Variants in ITGA11 observed in about 807,000 individuals in gnomAD.
ITGA11 encodes the protein integrin alpha-11.
In ITGA11, 97 loss-of-function variants were observed where a neutral mutation model predicts 141.9. The ratio of observed to expected loss-of-function variants is 0.68; its 90% CI spans 0.58 to 0.81. The LOEUF (loss-of-function observed/expected upper bound fraction) is 0.81, where lower values mean the gene tolerates loss of function less well. Among genes scored for constraint, ITGA11 ranks in the 30% least tolerant of loss-of-function variants. ITGA11 has a pLI of 0.00. For synonymous variants in ITGA11, 658 were observed against 624.6 expected, an observed-to-expected ratio of 1.05 and a Z score of -0.80; for missense variants, 1,387 against 1,559.2, an observed-to-expected ratio of 0.89 and a Z score of 1.86.
Position 68,325,559 on chromosome 15 carries a change from G to A in ITGA11, c.2212-318C>T, listed in dbSNP as rs900985996. Among the ~76,000 whole-genome samples, 9 of 152,292 alleles carry A rather than the reference G, an allele frequency of 5.9e-5. No homozygotes were observed. Among genetic ancestry groups the A allele is most frequent in the East Asian group, 1.9e-4 (1 of 5,168 alleles). ...GCCTCTGGGAAGCCTGGCAGTGCCC[G>A]CCTGTATCCCACCCCACCCACCACT... On this transcript the variant is annotated intron_variant, in intron 17 of 29. Transcript: ENST00000315757. The surrounding 1 kb of genome is among the most constrained non-coding windows in gnomAD (Gnocchi z 5.5).
chr15:68,310,927 C>G (rs976006072), intron 26 of ITGA11, 67 bp downstream of exon 26: 2 of 1,234,782 alleles, frequency 1.6e-6, no homozygotes. Flanking sequence ...AGGGAAATGG[C>G]CCGCAGAGCA....
intron 1 of ITGA11, among the ~76,000 whole-genome samples, chr15:68,424,609 C>T (rs978003461): frequency 6.6e-6 from 1 of 152,214 alleles, no homozygotes; most frequent in African/African-American, 2.4e-5. Flanking sequence ...TCCCTGCCTT[C>T]CCTCCTAGTG....
chr15:68,342,495 G>C (rs766052945), intron 10 of ITGA11, among the ~76,000 whole-genome samples: 21 of 152,360 alleles, frequency 1.4e-4, no homozygotes, highest in Non-Finnish European at 2.5e-4. Context: ...AGCACCTGCA[G>C]TGTGTGTAGC....
At chr15:68,313,179 C>T (rs550203954) in intron 23 of ITGA11, among the ~76,000 whole-genome samples, 1 of 152,262 alleles carries the variant, frequency 6.6e-6, no homozygotes, top group African/African-American at 2.4e-5. Context: ...ACTGTGCTCC[C>T]TTCCACCCTC....
intron 2 of ITGA11, among the ~76,000 whole-genome samples, chr15:68,392,140 C>T (rs187511353): frequency 1.9e-4 from 29 of 152,254 alleles, no homozygotes; most frequent in African/African-American, 6.5e-4. Flanking sequence ...AAGAGAAACA[C>T]AGAATTCTAT....
intron 5 of ITGA11, among the ~76,000 whole-genome samples, chr15:68,359,278 T>C (rs1027579504): frequency 6.6e-5 from 10 of 152,248 alleles, no homozygotes; most frequent in African/African-American, 2.2e-4. Flanking sequence ...ATGGTACTGA[T>C]ATCATCAGGT....
In ITGA11 at chr15:68,307,661, G is replaced by A; in HGVS notation, c.3210C>T (p.Cys1070=). 1 of 1,613,796 alleles carries A rather than the reference G, an allele frequency of 6.2e-7. No homozygotes were observed. The highest frequency in any genetic ancestry group is 8.5e-7 in the Non-Finnish European group (1 of 1,179,758). Residue 1070 remains cysteine, a synonymous_variant, in exon 27 of 30, where the codon TGC becomes TGT. Transcript: ENST00000315757. This position sits in a 1 kb window ranked among gnomAD's most constrained non-coding sequence, Gnocchi z 6.1. ...CCTGGTTGGGGACCAGCCGTATATT[G>A]CAGTTGATGGAGACGACATCAGAGT... ...HSNSDVVSIN[C]NIRLVPNQEI... is the part of the protein sequence containing the mutation.
chr15:68,390,137 G>A (rs1237308045), intron 2 of ITGA11, among the ~76,000 whole-genome samples: 1 of 152,196 alleles, frequency 6.6e-6, no homozygotes, highest in Non-Finnish European at 1.5e-5. Context: ...AGAACCAGGG[G>A]ATGTGGAAAA....
chr15:68,314,918 T>A (rs1190478812), intron 22 of ITGA11, among the ~76,000 whole-genome samples: 1 of 152,160 alleles, frequency 6.6e-6, no homozygotes, highest in East Asian at 1.9e-4. Flanking sequence ...TTTTTGCCAT[T>A]TATAAGGCTC....
At position 68,303,771 on chromosome 15, in the gene ITGA11, C is replaced by T; in HGVS notation, c.3495+1G>A. 1.2e-6 allele frequency: 2 copies of T among 1,604,236 alleles called. No homozygotes were observed. The highest frequency in any genetic ancestry group is 1.7e-6 in the Non-Finnish European group (2 of 1,172,774). ...CTTCCCTCCCCTGCCAGGGCCCTCA[C>T]CTTCCACAGTGCCAGGACCAGCAGG... On this transcript the variant is annotated splice_donor_variant, in intron 29 of 29. Transcript: ENST00000315757. LOFTEE classifies it high-confidence loss of function. This position sits in a 1 kb window ranked among gnomAD's most constrained non-coding sequence, Gnocchi z 5.3.
chr15:68,308,867 G>C lies in ITGA11; in HGVS notation c.3175-1171C>G, dbSNP rs1233544951. Among the ~76,000 whole-genome samples the C allele has an allele frequency of 6.6e-6, 1 of 152,186 alleles. No individual in the cohort carries two copies. Among genetic ancestry groups the C allele is most frequent in the Non-Finnish European group, 1.5e-5 (1 of 68,036 alleles). Reference sequence around the variant, plus strand: ...TGAGGAAAAAAAAAATCTTGTTCAGGCCCTCACTGAAGAAGCCTGACAATT... The same window carrying C: ...TGAGGAAAAAAAAAATCTTGTTCAGCCCCTCACTGAAGAAGCCTGACAATT... On this transcript the variant is annotated intron_variant, in intron 26 of 29. Transcript: ENST00000315757. This position sits in a 1 kb window ranked among gnomAD's most constrained non-coding sequence, Gnocchi z 5.2.
chr15:68,403,081 T>A, intron 1 of ITGA11, 52 bp from the exon 2 acceptor site: 1 of 1,240,630 alleles, frequency 8.1e-7, no homozygotes. Context: ...CAGGCAGAGG[T>A]GTAGGCCCTG....
intron 1 of ITGA11, among the ~76,000 whole-genome samples, chr15:68,416,027 G>A (rs575782267): frequency 1.2e-4 from 18 of 152,250 alleles, no homozygotes; most frequent in African/African-American, 4.3e-4. Flanking sequence ...CACACACACT[G>A]GGTGCCTGCA....
intron 1 of ITGA11, among the ~76,000 whole-genome samples, chr15:68,422,717 G>A (rs960516688): frequency 3.9e-5 from 6 of 152,076 alleles, no homozygotes; most frequent in Non-Finnish European, 8.8e-5. Flanking sequence ...CACACACTCC[G>A]GCATCCTGCC....
intron 6 of ITGA11, among the ~76,000 whole-genome samples, chr15:68,357,840 C>T (rs1159171848): frequency 6.6e-6 from 1 of 152,208 alleles, no homozygotes; most frequent in African/African-American, 2.4e-5. Flanking sequence ...ACGTGCCCTT[C>T]TAATGCTGGA....
At chr15:68,355,736 C>T (rs1824478) in intron 7 of ITGA11, among the ~76,000 whole-genome samples, 143,128 of 152,128 alleles carry the variant, frequency 0.94, 67,569 homozygotes, top group Middle Eastern at 0.98. Flanking sequence ...TCTGAGCCAC[C>T]GCACCTGGCC....
intron 24 of ITGA11, 129 bp downstream of exon 24, chr15:68,312,644 C>T (rs1893427805): frequency 1.5e-6 from 1 of 664,790 alleles, no homozygotes; most frequent in Admixed American, 2.5e-5. Flanking sequence ...ACTAAAGTCG[C>T]ACAGTGGGTG....
chr15:68,386,745 C>A (rs1895994147), intron 2 of ITGA11, among the ~76,000 whole-genome samples: 1 of 152,148 alleles, frequency 6.6e-6, no homozygotes, highest in Non-Finnish European at 1.5e-5. Flanking sequence ...GCTCTTGTAC[C>A]CTTCTCTGTG....
intron 16 of ITGA11, among the ~76,000 whole-genome samples, chr15:68,327,164 G>T (rs746634540): frequency 6.6e-6 from 1 of 152,090 alleles, no homozygotes; most frequent in African/African-American, 2.4e-5. Context: ...CTTTCCCTGG[G>T]CTCTGGGATC....
Sources: allele counts gnomAD v4.1 joint callset (sites outside exome capture counted in the v4.1 genomes callset), GRCh38; gene constraint gnomAD v4.1.1; non-coding constraint Gnocchi (gnomAD v3.1); transcripts MANE v1.5; gene names NCBI Gene and HGNC (gene_info 2026-07-23, HGNC 2026-07-21).